Variants in SDK2 observed in about 807,000 individuals in gnomAD.
SDK2 encodes the protein protein sidekick-2.
In SDK2, 105 loss-of-function variants were observed where a neutral mutation model predicts 253.9. That is an observed-to-expected ratio of 0.41 (90% CI 0.35 to 0.49). The LOEUF is 0.49. Among genes scored for constraint, SDK2 ranks in the 20% least tolerant of loss-of-function variants. SDK2 has a pLI of 0.06. For synonymous variants in SDK2, 1,249 were observed against 1,234.9 expected, an observed-to-expected ratio of 1.01 and a Z score of -0.24; for missense variants, 2,608 against 3,003.0, an observed-to-expected ratio of 0.87 and a Z score of 3.07.
In SDK2 at chr17:73,435,313, G is replaced by A. The variant is rs1433417285; in HGVS notation, c.1195+137C>T. The A allele has an allele frequency of 1.2e-6, 1 of 809,638 alleles. No homozygotes were observed. Among genetic ancestry groups the A allele is most frequent in the Non-Finnish European group, 1.9e-6 (1 of 531,548 alleles). 50.2% of individuals were successfully genotyped at this position (809,638 alleles called of 1,614,324 possible). On this transcript the variant is annotated intron_variant, in intron 9 of 44. Transcript: ENST00000392650. This position sits in a 1 kb window ranked among gnomAD's most constrained non-coding sequence, Gnocchi z 5.7. ...AACTGGCTGTGCCCCCAGGCTGCTG[G>A]GCAGCAGGCGGCCTTTGGGGATCCT...
chr17:73,589,429 G>C (rs2045651260), intron 1 of SDK2, among the ~76,000 whole-genome samples: 1 of 152,236 alleles, frequency 6.6e-6, no homozygotes, highest in Admixed American at 6.5e-5. Context: ...GGGAAAAGAG[G>C]CCGGAAAACC....
intron 1 of SDK2, among the ~76,000 whole-genome samples, chr17:73,623,464 G>T (rs12451520): frequency 6.6e-6 from 1 of 152,308 alleles, no homozygotes; most frequent in East Asian, 1.9e-4. Flanking sequence ...GCCCTGGGGG[G>T]AAGGAAGGAG....
chr17:73,528,572 C>T (rs371149196), intron 1 of SDK2, among the ~76,000 whole-genome samples: 7 of 152,288 alleles, frequency 4.6e-5, no homozygotes, highest in East Asian at 3.9e-4. Context: ...CATCCCAAGG[C>T]GACCTACTGC....
chr17:73,603,789 C>T (rs28531368), intron 1 of SDK2, among the ~76,000 whole-genome samples: 18,316 of 152,242 alleles, frequency 0.12, 1,440 homozygotes, highest in African/African-American at 0.22. Flanking sequence ...CAAAGCTGGG[C>T]CTTCAACCTA....
intron 1 of SDK2, among the ~76,000 whole-genome samples, chr17:73,572,654 G>A (rs1362482823): frequency 6.6e-6 from 1 of 152,220 alleles, no homozygotes; most frequent in Non-Finnish European, 1.5e-5. Context: ...CATGAGCCCA[G>A]TGCTAGGCAC....
intron 1 of SDK2, among the ~76,000 whole-genome samples, chr17:73,638,034 C>A (rs1296830719): frequency 1.3e-5 from 2 of 152,206 alleles, no homozygotes; most frequent in Non-Finnish European, 2.9e-5. Context: ...AGGGCGGGGC[C>A]CCCACTCTTG....
intron 1 of SDK2, among the ~76,000 whole-genome samples, chr17:73,579,371 ATCTTCC>A: frequency 6.6e-6 from 1 of 152,202 alleles, no homozygotes. Context: ...GCTTTCCAGA[ATCTTCC>A]TCATGCTCTT....
In SDK2 at chr17:73,435,663, C is replaced by T. The variant is rs1349340370; in HGVS notation, c.1001-19G>A. The T allele has an allele frequency of 3.3e-6, 5 of 1,529,300 alleles. No homozygotes were observed. The East Asian group carries it at 9.8e-5, about 30-fold the overall frequency. 94.7% of individuals were successfully genotyped at this position (1,529,300 alleles called of 1,614,324 possible). ...GGCACACCTGTGGGCAAGACGTGGGCCCACCGTCAACCTGCCTCCTGCCTC... is the reference window on the plus strand; with the variant it reads ...GGCACACCTGTGGGCAAGACGTGGGTCCACCGTCAACCTGCCTCCTGCCTC... On this transcript the variant is annotated intron_variant, in intron 8 of 44. Transcript: ENST00000392650. The surrounding 1 kb of genome is among the most constrained non-coding windows in gnomAD (Gnocchi z 5.7).
intron 23 of SDK2, 27 bp downstream of exon 23, chr17:73,398,293 G>A: frequency 6.2e-7 from 1 of 1,608,878 alleles, no homozygotes; most frequent in Non-Finnish European, 8.5e-7. Flanking sequence ...TGAGGCTGCT[G>A]CCTTCTCCCC....
Position 73,379,881 on chromosome 17 carries a change from A to G in SDK2, c.4763-332T>C, listed in dbSNP as rs1225637036. Among the ~76,000 whole-genome samples, 1 of 152,016 alleles carries G rather than the reference A, an allele frequency of 6.6e-6. No homozygotes were observed. Among genetic ancestry groups the G allele is most frequent in the African/African-American group, 2.4e-5 (1 of 41,388 alleles). ...CCAAAGCTGTCCTGGGCATGCCTGG[A>G]CATAGGGTCACCCCCTACCCCCAGC... On this transcript the variant is annotated intron_variant, in intron 34 of 44. Coordinates refer to ENST00000392650, the MANE Select transcript of SDK2 (RefSeq NM_001144952.2). This position sits in a 1 kb window ranked among gnomAD's most constrained non-coding sequence, Gnocchi z 4.5.
At position 73,616,583 on chromosome 17, in the gene SDK2, T is replaced by C. The variant is rs1195978421; in HGVS notation, c.64+27442A>G. On this transcript the variant is annotated intron_variant, in intron 1 of 44. Coordinates refer to ENST00000392650, the MANE Select transcript of SDK2 (RefSeq NM_001144952.2). This position sits in a 1 kb window ranked among gnomAD's most constrained non-coding sequence, Gnocchi z 5.2. ...AGATCCTTTTTCTGGAGTAATGGAA[T>C]CTTAGTCCTGGGTGTTTGGGGCTGA... 2.6e-5 allele frequency among the ~76,000 whole-genome samples: 4 copies of C among 152,188 alleles called. No homozygotes were observed. Among genetic ancestry groups the C allele is most frequent in the African/African-American group, 9.7e-5 (4 of 41,436 alleles).
At position 73,615,148 on chromosome 17, in the gene SDK2, A is replaced by G. The variant is rs369848910; in HGVS notation, c.64+28877T>C. On this transcript the variant is annotated intron_variant, in intron 1 of 44. Coordinates refer to ENST00000392650, the MANE Select transcript of SDK2 (RefSeq NM_001144952.2). ...CTCTTTGAACCGTGCCTGACACACA[A>G]TGAGTACATACTTGATGTTACAACT... 9.9e-5 allele frequency among the ~76,000 whole-genome samples: 15 copies of G among 152,204 alleles called. No individual in the cohort carries two copies. In the East Asian group the frequency reaches 2.7e-3, roughly 27 times the overall value.
At chr17:73,380,631 G>A (rs931903566) in intron 34 of SDK2, among the ~76,000 whole-genome samples, 3 of 152,202 alleles carry the variant, frequency 2.0e-5, no homozygotes, top group East Asian at 1.9e-4. Flanking sequence ...ACTGTCCCCC[G>A]ACCCAGCCGA....
chr17:73,555,158 C>A (rs578160652), intron 1 of SDK2, among the ~76,000 whole-genome samples: 1 of 152,344 alleles, frequency 6.6e-6, no homozygotes, highest in South Asian at 2.1e-4. Context: ...CTTGGTCTTG[C>A]CCTGGGAGGC....
chr17:73,581,415 C>T (rs1473227474), intron 1 of SDK2, among the ~76,000 whole-genome samples: 1 of 152,192 alleles, frequency 6.6e-6, no homozygotes, highest in East Asian at 1.9e-4. Flanking sequence ...AAACTCTGCA[C>T]CCACTCTCAC....
chr17:73,373,483 C>T (rs1456004502), intron 36 of SDK2, among the ~76,000 whole-genome samples: 1 of 152,166 alleles, frequency 6.6e-6, no homozygotes, highest in African/African-American at 2.4e-5. Flanking sequence ...CCACCAACAG[C>T]GTGCAAAGGT....
chr17:73,424,057 G>C lies in SDK2; in HGVS notation c.1619C>G (p.Thr540Arg), dbSNP rs145662298. 1.9e-6 allele frequency: 3 copies of C among 1,612,878 alleles called. No homozygotes were observed. Among genetic ancestry groups the C allele is most frequent in the Non-Finnish European group, 2.5e-6 (3 of 1,179,662 alleles). ...IWEKDGATLG[T>R]ESHPRIRLDR... The stretch of plus-strand genomic sequence containing the variant: ...CAGGCGGATACGAGGATGGCTCTCC[G>C]TGCCCAGGGTGGCCCCGTCCTTCTC... Residue 540 changes from threonine to arginine, a missense_variant, in exon 13 of 45, where the codon ACG becomes AGG. Physicochemically the swap from Thr to Arg is moderately conservative, Grantham distance 71. Coordinates refer to ENST00000392650, the MANE Select transcript of SDK2 (RefSeq NM_001144952.2).
Position 73,338,507 on chromosome 17 carries a change from TG to T in SDK2, c.*79del. 1.1e-6 allele frequency: 1 copy of T among 873,508 alleles called. No homozygotes were observed. The highest frequency in any genetic ancestry group is 1.8e-6 in the Non-Finnish European group (1 of 560,316). The allele number at this position is 873,508 out of a possible 1,614,324, so 54.1% of individuals were successfully genotyped here. On this transcript the variant is annotated 3_prime_UTR_variant, in exon 45 of 45. Transcript: ENST00000392650. The surrounding 1 kb of genome is among the most constrained non-coding windows in gnomAD (Gnocchi z 5.0). ...AGTTGACTTGGTTTCTTGGTGTTTT[TG>T]TTTTCTGGCAGGCAGTGAGAGGAGG...
chr17:73,643,443 G>C lies in SDK2; in HGVS notation c.64+582C>G, dbSNP rs1567890679. ...CCCGCGACCTTGGCTCCAGGCCCGC[G>C]CAGCGAAGCACCCCCAGCCCCAGCG... is the stretch of plus-strand genomic sequence containing the variant. On this transcript the variant is annotated intron_variant, in intron 1 of 44. Transcript: ENST00000392650. This position sits in a 1 kb window ranked among gnomAD's most constrained non-coding sequence, Gnocchi z 6.9. Among the ~76,000 whole-genome samples, 1 of 152,142 alleles carries C rather than the reference G, an allele frequency of 6.6e-6. No individual in the cohort carries two copies. Among genetic ancestry groups the C allele is most frequent in the Non-Finnish European group, 1.5e-5 (1 of 68,012 alleles).
Sources: gnomAD v4.1 joint callset for allele counts (sites outside exome capture counted in the v4.1 genomes callset) on GRCh38, gnomAD v4.1.1 for gene constraint, Gnocchi (gnomAD v3.1) non-coding constraint, MANE v1.5 for transcripts, NCBI Gene and HGNC (gene_info 2026-07-23, HGNC 2026-07-21) for gene names.